BRAT1: variants seen among roughly 807,000 people sequenced by gnomAD.
The protein encoded by BRAT1 is BRCA1 associated ATM activator 1, also known as integrator complex assembly factor BRAT1.
In BRAT1, 74 loss-of-function variants were observed where a neutral mutation model predicts 70.6. The observed-to-expected ratio is 1.05, with a 90% CI of 0.87 to 1.27. The LOEUF (loss-of-function observed/expected upper bound fraction) is 1.27, where lower values mean the gene tolerates loss of function less well. Ranked by LOEUF, BRAT1 falls within the 50% of genes most tolerant of loss-of-function variation. The pLI is 0.00. For missense variants in BRAT1, 1,203 were observed against 1,098.2 expected (o/e 1.10, Z -1.35); for synonymous variants, 615 against 517.1 (o/e 1.19, Z -2.57).
intron 3 of BRAT1, among the ~76,000 whole-genome samples, chr7:2,547,080 G>A (rs1428592582): frequency 1.3e-5 from 2 of 151,786 alleles, no homozygotes; most frequent in Non-Finnish European, 2.9e-5. Flanking sequence ...TCAGAGCTGG[G>A]AGCCCGTGCC....
In BRAT1 at chr7:2,539,569, C is replaced by A; in HGVS notation, c.1572G>T (p.Leu524=). Residue 524 remains leucine, a synonymous_variant, in exon 12 of 14, where the codon CTG becomes CTT. Coordinates refer to ENST00000340611, the MANE Select transcript of BRAT1 (RefSeq NM_152743.4). ...CTCCCCAGTGCCTGCTCAGCTGGGTCAGGAACTCGAGGGCGGAGTCCCTCA... is the reference window on the plus strand; with the variant it reads ...CTCCCCAGTGCCTGCTCAGCTGGGTAAGGAACTCGAGGGCGGAGTCCCTCA... ...WEVRDSALEF[L]TQLSRHWGGQ... 6.3e-7 allele frequency: 1 copy of A among 1,575,830 alleles called. No individual in the cohort carries two copies. The highest frequency in any genetic ancestry group is 8.6e-7 in the Non-Finnish European group (1 of 1,159,978).
intron 2 of BRAT1, among the ~76,000 whole-genome samples, chr7:2,552,091 TATATATA>T (rs1562593358): frequency 5.7e-5 from 1 of 17,626 alleles, no homozygotes; most frequent in Admixed American, 6.8e-4. Flanking sequence ...AATATATATA[TATATATA>T]TATATATATT....
chr7:2,539,371 C>T lies in BRAT1; in HGVS notation c.1598-20G>A, dbSNP rs141753173. The T allele has an allele frequency of 1.2e-4, 197 of 1,590,278 alleles. 1 individual carries two copies. The East Asian group carries it at 3.0e-3, about 24-fold the overall frequency. ...CCTGTCCTGGGGGTCGAAACGGCCA[C>T]ATGCAGCTGTGACTGAGGGCCGAGC... is the stretch of plus-strand genomic sequence containing the variant. On this transcript the variant is annotated intron_variant, in intron 12 of 13. Transcript: ENST00000340611.
At chr7:2,541,984 C>T in intron 7 of BRAT1, 136 bp downstream of exon 7, 1 of 1,195,672 alleles carries the variant, frequency 8.4e-7, no homozygotes, top group Non-Finnish European at 1.2e-6. Flanking sequence ...GTCCCCGGTC[C>T]CCTTTGCTCT....
rs778638400 is a variant in BRAT1, at chr7:2,543,956, A to C, written c.437T>G (p.Val146Gly). The C allele has an allele frequency of 1.3e-6, 2 of 1,570,364 alleles. No homozygotes were observed. Among genetic ancestry groups the C allele is most frequent in the Non-Finnish European group, 1.7e-6 (2 of 1,152,218 alleles). ...ALRFLADHGA[V>G]DTIFSLQGDS... ...TCCCTGCAGGGAGAAGATGGTGTCG[A>C]CCGCACCTGGGTAGGGGATGGGGGA... The change falls in exon 5 of 14, where the codon GTC becomes GGC. Residue 146 changes from valine to glycine, a missense_variant. Coordinates refer to ENST00000340611, the MANE Select transcript of BRAT1 (RefSeq NM_152743.4). This position sits in a 1 kb window ranked among gnomAD's most constrained non-coding sequence, Gnocchi z 5.5.
chr7:2,546,650 G>A (rs966091973), intron 3 of BRAT1, among the ~76,000 whole-genome samples: 2 of 151,882 alleles, frequency 1.3e-5, no homozygotes, highest in East Asian at 1.9e-4. Flanking sequence ...CAGGAGAATC[G>A]CTTGAACCTG....
At chr7:2,550,219 C>T (rs1339230478) in intron 2 of BRAT1, among the ~76,000 whole-genome samples, 1 of 150,352 alleles carries the variant, frequency 6.7e-6, no homozygotes, top group Non-Finnish European at 1.5e-5. Flanking sequence ...GTAATTGCAG[C>T]GATTTGAGAG....
chr7:2,544,049 T>C (rs1779400485), intron 4 of BRAT1, 87 bp from the exon 5 acceptor site: 1 of 875,234 alleles, frequency 1.1e-6, no homozygotes, highest in Admixed American at 4.4e-5. Flanking sequence ...AAGATACAAA[T>C]AGCAGAGGGC....
rs1009765969 is a variant in BRAT1 at position 2,547,416 on chromosome 7, T to C, written c.190A>G (p.Lys64Glu). 7.4e-6 allele frequency: 12 copies of C among 1,613,944 alleles called. No homozygotes were observed. The African/African-American group carries it at 8.0e-5, about 11-fold the overall frequency. The change falls in exon 3 of 14, where the codon AAA becomes GAA. Residue 64 changes from lysine (K) to glutamate (E), a missense_variant. Lys to Glu is a moderately conservative substitution (Grantham distance 56). Coordinates refer to ENST00000340611, the MANE Select transcript of BRAT1 (RefSeq NM_152743.4). Reference protein sequence around the residue: ...CLVELLSHVLKVQDLSSGVLS... With the variant: ...CLVELLSHVLEVQDLSSGVLS... Reference sequence around the variant, plus strand: ...ACCCCAGAACTCAGGTCCTGGACTTTCAGCACATGGGACAGCAGCTCCACC... The same window carrying C: ...ACCCCAGAACTCAGGTCCTGGACTTCCAGCACATGGGACAGCAGCTCCACC...
At position 2,538,756 on chromosome 7, in the gene BRAT1, G is replaced by T. The variant is rs773345466; in HGVS notation, c.1779C>A (p.Phe593Leu). The change falls in exon 14 of 14, where the codon TTC becomes TTA. Residue 593 changes from phenylalanine to leucine, a missense_variant. By Grantham distance (22) the Phe-to-Leu change is conservative. Coordinates refer to ENST00000340611, the MANE Select transcript of BRAT1 (RefSeq NM_152743.4). ...CGGAGAGGATGTGCAGGAGCTCCAG[G>T]AACAGGCTCTGGGGGACAGGGAGCA... is the stretch of plus-strand genomic sequence containing the variant. ...PEHAEARQSLFLELLHILSVD... is the reference protein window; with the variant it reads ...PEHAEARQSLLLELLHILSVD... The T allele has an allele frequency of 6.3e-7, 1 of 1,598,346 alleles. No individual in the cohort carries two copies. The highest frequency in any genetic ancestry group is 8.5e-7 in the Non-Finnish European group (1 of 1,179,854).
chr7:2,546,136 A>G (rs1393800338), intron 3 of BRAT1, among the ~76,000 whole-genome samples: 1 of 152,222 alleles, frequency 6.6e-6, no homozygotes, highest in Non-Finnish European at 1.5e-5. Flanking sequence ...TCGAGCTCTC[A>G]TGCCTTGCTA....
At chr7:2,551,464 G>A (rs1466289713) in intron 2 of BRAT1, among the ~76,000 whole-genome samples, 2 of 151,772 alleles carry the variant, frequency 1.3e-5, no homozygotes, top group African/African-American at 4.8e-5. Context: ...GCCCAGGCGG[G>A]AAGACTGCTT....
At position 2,547,406 on chromosome 7, in the gene BRAT1, T is replaced by C; in HGVS notation, c.200A>G (p.Asp67Gly). The change falls in exon 3 of 14, where the codon GAC becomes GGC. Residue 67 changes from aspartate (D) to glycine (G), a missense_variant. Physicochemically the swap from Asp to Gly is moderately conservative, Grantham distance 94 (BLOSUM62 -1). Coordinates refer to ENST00000340611, the MANE Select transcript of BRAT1 (RefSeq NM_152743.4). ...ELLSHVLKVQ[D>G]LSSGVLSFSL... ...GAAGGAGAGGACCCCAGAACTCAGG[T>C]CCTGGACTTTCAGCACATGGGACAG... The C allele has an allele frequency of 6.2e-7, 1 of 1,614,046 alleles. No individual in the cohort carries two copies. The highest frequency in any genetic ancestry group is 8.5e-7 in the Non-Finnish European group (1 of 1,180,008).
intron 10 of BRAT1, 73 bp downstream of exon 10, chr7:2,540,905 CG>C: frequency 7.3e-7 from 1 of 1,378,958 alleles, no homozygotes; most frequent in Non-Finnish European, 9.6e-7. Context: ...CTGCACGGGA[CG>C]GGGTGGAGTC....
chr7:2,543,812 C>T lies in BRAT1; in HGVS notation c.581G>A (p.Cys194Tyr). Residue 194 changes from cysteine (C) to tyrosine (Y), a missense_variant, in exon 5 of 14, where the codon TGT becomes TAT. By Grantham distance (194) the Cys-to-Tyr change is radical. Coordinates refer to ENST00000340611, the MANE Select transcript of BRAT1 (RefSeq NM_152743.4). This position sits in a 1 kb window ranked among gnomAD's most constrained non-coding sequence, Gnocchi z 5.5. ...AACGTGATCCATGATCTTCTGGGCA[C>T]ACGCGGGCCAGTCACCCCCCGGCAG... ...PCLPGGDWPA[C>Y]AQKIMDHVEE... 6.2e-7 allele frequency: 1 copy of T among 1,612,978 alleles called. No individual in the cohort carries two copies. Among genetic ancestry groups the T allele is most frequent in the Non-Finnish European group, 8.5e-7 (1 of 1,179,892 alleles).
chr7:2,550,163 C>T (rs1319796760), intron 2 of BRAT1, among the ~76,000 whole-genome samples: 1 of 109,348 alleles, frequency 9.1e-6, no homozygotes, highest in Non-Finnish European at 1.9e-5. Context: ...ACCCTGTCTC[C>T]AAAAAAAAAA....
Position 2,543,332 on chromosome 7 carries a change from A to G in BRAT1, c.804-9T>C. 1 of 1,573,032 alleles carries G rather than the reference A, an allele frequency of 6.4e-7. No homozygotes were observed. Among genetic ancestry groups the G allele is most frequent in the Non-Finnish European group, 8.6e-7 (1 of 1,160,296 alleles). On this transcript the variant is annotated splice_polypyrimidine_tract_variant and intron_variant, in intron 5 of 13. Coordinates refer to ENST00000340611, the MANE Select transcript of BRAT1 (RefSeq NM_152743.4). The surrounding 1 kb of genome is among the most constrained non-coding windows in gnomAD (Gnocchi z 5.5). The stretch of plus-strand genomic sequence containing the variant: ...AACTGAACACGGGAGAACTGCAGGG[A>G]GACCCCAGAGAGAAAAATTACTCCC...
rs77015302 is a variant in BRAT1 at position 2,538,668 on chromosome 7, C to T, written c.1867G>A (p.Gly623Ser). 1.9e-3 allele frequency: 3,050 copies of T among 1,598,284 alleles called. 40 individuals are homozygous for T. The African/African-American group carries it at 0.033, about 17-fold the overall frequency. The stretch of plus-strand genomic sequence containing the variant: ...GTGTCCTGGGCCGCGTCGGCGTGGC[C>T]GTCCCGCAGCCACTCAGTGAAGACT... ...MQVFTEWLRD[G>S]HADAAQDTEQ... Residue 623 changes from glycine to serine, a missense_variant, in exon 14 of 14, where the codon GGC (glycine) becomes AGC (serine). By Grantham distance (56) the Gly-to-Ser change is moderately conservative. Transcript: ENST00000340611.
In BRAT1 at chr7:2,543,081, G is replaced by A. The variant is rs1178701144; in HGVS notation, c.923+123C>T. Reference sequence around the variant, plus strand: ...CCCACGCACCACCCAGTCACACCCCGCACGGCCGCCTGACTGTCCCTGGTG... The same window carrying A: ...CCCACGCACCACCCAGTCACACCCCACACGGCCGCCTGACTGTCCCTGGTG... On this transcript the variant is annotated intron_variant, in intron 6 of 13. Transcript: ENST00000340611. This position sits in a 1 kb window ranked among gnomAD's most constrained non-coding sequence, Gnocchi z 5.5. 1.1e-5 allele frequency: 15 copies of A among 1,305,056 alleles called. No homozygotes were observed. Among genetic ancestry groups the A allele is most frequent in the Admixed American group, 2.6e-5 (1 of 39,042 alleles). The allele number at this position is 1,305,056 out of a possible 1,614,324, so 80.8% of individuals were successfully genotyped here. A position where few individuals can be genotyped will look rare whatever the true frequency, so the allele number is the denominator to read the frequency against.
Sources: gnomAD v4.1 joint callset for allele counts (sites outside exome capture counted in the v4.1 genomes callset) on GRCh38, gnomAD v4.1.1 for gene constraint, Gnocchi (gnomAD v3.1) non-coding constraint, MANE v1.5 for transcripts, NCBI Gene and HGNC (gene_info 2026-07-23, HGNC 2026-07-21) for gene names.